GLCE: variants seen among roughly 807,000 people sequenced by gnomAD.
GLCE encodes the protein D-glucuronyl C5-epimerase.
GLCE carries 19 observed loss-of-function variants against 47.9 expected under a neutral mutation model. That is an observed-to-expected ratio of 0.40 (90% CI 0.28 to 0.58). The LOEUF (loss-of-function observed/expected upper bound fraction) is 0.58. Ranked by LOEUF, GLCE falls within the 20% of genes least tolerant of loss-of-function variation. The pLI is 0.48. For synonymous variants in GLCE, 245 were observed against 263.4 expected (o/e 0.93, Z 0.68); for missense variants, 556 against 743.3 (o/e 0.75, Z 2.93).
At chr15:69,230,679 C>G (rs964930029) in intron 2 of GLCE, among the ~76,000 whole-genome samples, 2 of 152,186 alleles carry the variant, frequency 1.3e-5, no homozygotes, top group East Asian at 1.9e-4. Context: ...TTCTAAGTGT[C>G]AACAACCAGA....
intron 1 of GLCE, among the ~76,000 whole-genome samples, chr15:69,199,792 A>G (rs1419779141): frequency 6.6e-6 from 1 of 152,028 alleles, no homozygotes; most frequent in Non-Finnish European, 1.5e-5. Flanking sequence ...AGACCTTTTG[A>G]TTTAATTGGT....
intron 3 of GLCE, among the ~76,000 whole-genome samples, chr15:69,259,793 A>G (rs11854117): frequency 0.053 from 8,077 of 152,286 alleles, 732 homozygotes; most frequent in African/African-American, 0.18. Flanking sequence ...ATTACAGAGG[A>G]GATCCCCCTC....
chr15:69,220,254 G>A (rs756146110), intron 2 of GLCE, among the ~76,000 whole-genome samples: 31 of 152,184 alleles, frequency 2.0e-4, no homozygotes, highest in Middle Eastern at 3.4e-3. Flanking sequence ...TTGTTGGATC[G>A]TATGGTAAAC....
chr15:69,207,495 C>A (rs566861331), intron 1 of GLCE, among the ~76,000 whole-genome samples: 4 of 152,000 alleles, frequency 2.6e-5, no homozygotes, highest in Non-Finnish European at 5.9e-5. Flanking sequence ...TGAATGCAAT[C>A]GTATAATATA....
At chr15:69,268,144 A>G in intron 4 of GLCE, 76 bp from the exon 5 acceptor site, 1 of 857,710 alleles carries the variant, frequency 1.2e-6, no homozygotes. Context: ...GTTTTCAAGG[A>G]TGAATTGCAA....
At chr15:69,235,304 C>T (rs930219149) in intron 2 of GLCE, among the ~76,000 whole-genome samples, 5 of 151,664 alleles carry the variant, frequency 3.3e-5, no homozygotes, top group African/African-American at 7.3e-5. Flanking sequence ...GACGAGGTTT[C>T]GCCATGTTGG....
chr15:69,199,503 A>AT (rs994839718), intron 1 of GLCE, among the ~76,000 whole-genome samples: 10 of 152,168 alleles, frequency 6.6e-5, no homozygotes, highest in South Asian at 2.1e-4. Context: ...ATGGATTTCA[A>AT]TTTTTTTGCA....
At chr15:69,254,823 A>T (rs145304162) in intron 2 of GLCE, among the ~76,000 whole-genome samples, 196 of 152,276 alleles carry the variant, frequency 1.3e-3, no homozygotes, top group African/African-American at 4.6e-3. Flanking sequence ...TGGCGAGAGA[A>T]TTTGGGGATA....
intron 1 of GLCE, among the ~76,000 whole-genome samples, chr15:69,193,864 T>C (rs975898922): frequency 1.6e-4 from 24 of 152,148 alleles, no homozygotes; most frequent in African/African-American, 5.5e-4. Context: ...CATTATTAAC[T>C]AGATCACATA....
At chr15:69,246,693 G>A (rs577607366) in intron 2 of GLCE, among the ~76,000 whole-genome samples, 2 of 150,388 alleles carry the variant, frequency 1.3e-5, no homozygotes, top group South Asian at 4.2e-4. Flanking sequence ...TCCAGCCTGG[G>A]CGATACAGTG....
intron 1 of GLCE, among the ~76,000 whole-genome samples, chr15:69,191,105 TAAG>T (rs1224508668): frequency 6.6e-6 from 1 of 152,174 alleles, no homozygotes; most frequent in African/African-American, 2.4e-5. Flanking sequence ...GTTGTAAAAA[TAAG>T]AAATATCTTT....
At chr15:69,168,555 C>T (rs1000615664) in intron 1 of GLCE, among the ~76,000 whole-genome samples, 14 of 146,692 alleles carry the variant, frequency 9.5e-5, no homozygotes, top group South Asian at 6.4e-4. Flanking sequence ...TTTTTTGAGA[C>T]GGAGTTTCGC....
intron 4 of GLCE, among the ~76,000 whole-genome samples, chr15:69,261,989 A>G (rs2053022032): frequency 6.6e-6 from 1 of 152,216 alleles, no homozygotes; most frequent in Non-Finnish European, 1.5e-5. Flanking sequence ...TTAAGAAGAC[A>G]ATGAAATAAT....
intron 1 of GLCE, among the ~76,000 whole-genome samples, chr15:69,189,116 A>G (rs1488608690): frequency 6.6e-6 from 1 of 152,168 alleles, no homozygotes; most frequent in East Asian, 1.9e-4. Flanking sequence ...GTGTAATGGC[A>G]TATATCTACC....
At chr15:69,228,826 A>G (rs1339658121) in intron 2 of GLCE, among the ~76,000 whole-genome samples, 1 of 152,110 alleles carries the variant, frequency 6.6e-6, no homozygotes, top group Non-Finnish European at 1.5e-5. Flanking sequence ...AGCTGGGACT[A>G]CAGATGCATG....
At chr15:69,166,396 G>A (rs1008048388) in intron 1 of GLCE, among the ~76,000 whole-genome samples, 8 of 152,144 alleles carry the variant, frequency 5.3e-5, no homozygotes, top group African/African-American at 1.7e-4. Context: ...AATTCATTTT[G>A]TAAATTGAAG....
chr15:69,244,030 T>G (rs1468645308), intron 2 of GLCE, among the ~76,000 whole-genome samples: 1 of 152,236 alleles, frequency 6.6e-6, no homozygotes, highest in Non-Finnish European at 1.5e-5. Context: ...CTTGGGGCTT[T>G]TAGAACATGA....
At chr15:69,226,738 T>C (rs2052453119) in intron 2 of GLCE, among the ~76,000 whole-genome samples, 1 of 29,080 alleles carries the variant, frequency 3.4e-5, no homozygotes, top group Non-Finnish European at 1.0e-4. Context: ...CTTGCCTTTT[T>C]TTTTTTTTTT....
At chr15:69,265,178 A>C (rs2053067802) in intron 4 of GLCE, among the ~76,000 whole-genome samples, 1 of 152,192 alleles carries the variant, frequency 6.6e-6, no homozygotes. Context: ...TATGTGTCAC[A>C]TATACCAAAA....
Sources: gnomAD v4.1 joint callset for allele counts (sites outside exome capture counted in the v4.1 genomes callset) on GRCh38, gnomAD v4.1.1 for gene constraint, MANE v1.5 for transcripts, NCBI Gene and HGNC (gene_info 2026-07-23, HGNC 2026-07-21) for gene names.